SLC30A2: variants seen among roughly 807,000 people sequenced by gnomAD.
SLC30A2 encodes the protein proton-coupled zinc antiporter SLC30A2.
Under a neutral mutation model 39.6 loss-of-function variants are expected in SLC30A2, and 19 were observed. That is an observed-to-expected ratio of 0.48 (90% CI 0.34 to 0.70). The LOEUF (loss-of-function observed/expected upper bound fraction) is 0.70. Ranked by LOEUF, SLC30A2 falls within the 30% of genes least tolerant of loss-of-function variation. The pLI is 0.01. For synonymous variants in SLC30A2, 195 were observed against 194.8 expected, an observed-to-expected ratio of 1.00 and a Z score of -0.01; for missense variants, 387 against 479.4, an observed-to-expected ratio of 0.81 and a Z score of 1.80.
At chr1:26,041,884 GCTGGGGAGAGGTGCTCTCTC>G in intron 5 of SLC30A2, 79 bp from the exon 6 acceptor site, 1 of 854,716 alleles carries the variant, frequency 1.2e-6, no homozygotes, top group Non-Finnish European at 1.9e-6. Context: ...ACCCAGCACT[GCTGGGGAGAGGTGCTCTCTC>G]TGCTGGGTGG....
Position 26,046,076 on chromosome 1 carries a change from C to A in SLC30A2, c.-180G>T. On this transcript the variant is annotated 5_prime_UTR_variant, in exon 1 of 8. Transcript: ENST00000374276. This position sits in a 1 kb window ranked among gnomAD's most constrained non-coding sequence, Gnocchi z 4.4. ...CCCGGCTCCCGCTGCGGCTGCAGCT[C>A]CGGCTCTGGCTCCGCGTGCCAAGCG... 1 of 1,322,266 alleles carries A rather than the reference C, an allele frequency of 7.6e-7. No homozygotes were observed. The highest frequency in any genetic ancestry group is 9.6e-7 in the Non-Finnish European group (1 of 1,043,154). 81.9% of individuals were successfully genotyped at this position (1,322,266 alleles called of 1,614,324 possible).
chr1:26,040,066 T>C (rs2050380195), intron 6 of SLC30A2, among the ~76,000 whole-genome samples, 155 bp from the exon 7 acceptor site: 1 of 152,196 alleles, frequency 6.6e-6, no homozygotes, highest in South Asian at 2.1e-4. Context: ...CCAAGGTCTC[T>C]GCCCTATCAC....
At position 26,044,378 on chromosome 1, in the gene SLC30A2, C is replaced by G. The variant is rs530527200; in HGVS notation, c.338G>C (p.Ser113Thr). Reference sequence around the variant, plus strand: ...GAGGGAGAAGAGGCTGATGAGCATGCTGGCAAAGTCAGTGAGCAGGTGTGC... The same window carrying G: ...GAGGGAGAAGAGGCTGATGAGCATGGTGGCAAAGTCAGTGAGCAGGTGTGC... ...DAAHLLTDFA[S>T]MLISLFSLWM... The change falls in exon 3 of 8, where the codon AGC (serine) becomes ACC (threonine). Residue 113 changes from serine to threonine, a missense_variant. Ser to Thr is a moderately conservative substitution (Grantham distance 58). Transcript: ENST00000374276. 1 of 1,614,000 alleles carries G rather than the reference C, an allele frequency of 6.2e-7. No homozygotes were observed. Among genetic ancestry groups the G allele is most frequent in the Admixed American group, 1.7e-5 (1 of 60,004 alleles).
intron 4 of SLC30A2, among the ~76,000 whole-genome samples, chr1:26,043,120 C>T (rs1458388694): frequency 6.6e-6 from 1 of 152,230 alleles, no homozygotes; most frequent in Non-Finnish European, 1.5e-5. Flanking sequence ...CTCTTCCCGC[C>T]CCACTTCAGG....
Position 26,041,682 on chromosome 1 carries a change from C to G in SLC30A2, c.838+18G>C. 6.7e-7 allele frequency: 1 copy of G among 1,496,304 alleles called. No individual in the cohort carries two copies. The highest frequency in any genetic ancestry group is 9.3e-7 in the Non-Finnish European group (1 of 1,073,116). 92.7% of individuals were successfully genotyped at this position (1,496,304 alleles called of 1,614,324 possible). On this transcript the variant is annotated intron_variant, in intron 6 of 7. Transcript: ENST00000374276. ...TTGAGAGCCAAGAGCAAAAAGGGAG[C>G]CACAAAGCCCAGGTTACCTTCCATC...
rs1049954183 is a variant in SLC30A2, at chr1:26,038,528, G to T, written c.*632C>A. 8.5e-5 allele frequency: 13 copies of T among 152,230 alleles called. No individual in the cohort carries two copies. Among genetic ancestry groups the T allele is most frequent in the African/African-American group, 3.1e-4 (13 of 41,448 alleles). 9.4% of individuals were successfully genotyped at this position (152,230 alleles called of 1,614,324 possible). On this transcript the variant is annotated 3_prime_UTR_variant, in exon 8 of 8. Transcript: ENST00000374276. Reference sequence around the variant, plus strand: ...CCTGCCCACCACCTGTGCCAAAGTTGTTTTTTGTGTTGGCACAGCTGAGGA... The same window carrying T: ...CCTGCCCACCACCTGTGCCAAAGTTTTTTTTTGTGTTGGCACAGCTGAGGA...
intron 3 of SLC30A2, 60 bp downstream of exon 3, chr1:26,044,238 A>C (rs1028131745): frequency 2.5e-6 from 4 of 1,575,426 alleles, no homozygotes; most frequent in Non-Finnish European, 3.5e-6. Flanking sequence ...CCACCTAAGA[A>C]CCCCTGTTCT....
intron 1 of SLC30A2, chr1:26,045,502 T>C (rs2050451313): frequency 1.7e-6 from 1 of 589,628 alleles, no homozygotes; most frequent in Admixed American, 3.0e-5. Flanking sequence ...GAGCGCAGGC[T>C]CTGGGAGAAC....
In SLC30A2 at chr1:26,045,031, G is replaced by A. The variant is rs908681480; in HGVS notation, c.237C>T (p.Ala79=). 6.2e-7 allele frequency: 1 copy of A among 1,614,234 alleles called. No individual in the cohort carries two copies. Among genetic ancestry groups the A allele is most frequent in the Non-Finnish European group, 8.5e-7 (1 of 1,180,040 alleles). Reference sequence around the variant, plus strand: ...CTCCGATCATGAACAACAGGCAGATGGCAGAGGCTACATACAGCTGGCGCT... The same window carrying A: ...CTCCGATCATGAACAACAGGCAGATAGCAGAGGCTACATACAGCTGGCGCT... ...KAQRQLYVAS[A]ICLLFMIGEV... is the part of the protein sequence containing the mutation. Residue 79 remains alanine, a synonymous_variant, in exon 2 of 8, where the codon GCC becomes GCT. Transcript: ENST00000374276.
intron 3 of SLC30A2, 92 bp from the exon 4 acceptor site, chr1:26,043,643 C>A: frequency 7.3e-7 from 1 of 1,366,284 alleles, no homozygotes; most frequent in Non-Finnish European, 1.0e-6. Context: ...CCACCCACCT[C>A]CCACACAAAG....
chr1:26,042,722 G>T lies in SLC30A2; in HGVS notation c.573-14C>A. 1 of 1,612,514 alleles carries T rather than the reference G, an allele frequency of 6.2e-7. No homozygotes were observed. Among genetic ancestry groups the T allele is most frequent in the African/African-American group, 1.3e-5 (1 of 75,002 alleles). On this transcript the variant is annotated splice_polypyrimidine_tract_variant and intron_variant, in intron 4 of 7. Transcript: ENST00000374276. ...GTCAACCCCATTCTATGGAAGTGGA[G>T]ACAAAGCCAAGGGCTCACTGAGGTC...
chr1:26,043,209 AGT>A (rs1460924115), intron 4 of SLC30A2, among the ~76,000 whole-genome samples, 187 bp downstream of exon 4: 1 of 152,166 alleles, frequency 6.6e-6, no homozygotes, highest in African/African-American at 2.4e-5. Flanking sequence ...TACAGCTCCC[AGT>A]GTTCTTGGCC....
chr1:26,044,940 G>T, intron 2 of SLC30A2, 57 bp downstream of exon 2: 1 of 1,412,996 alleles, frequency 7.1e-7, no homozygotes, highest in South Asian at 1.2e-5. Context: ...CAGTATTGCT[G>T]GGAACATCCA....
intron 1 of SLC30A2, 134 bp downstream of exon 1, chr1:26,045,713 C>G: frequency 7.0e-7 from 1 of 1,436,356 alleles, no homozygotes; most frequent in Non-Finnish European, 9.5e-7. Context: ...ATCTTCGTTC[C>G]CTCACCTCAC....
intron 1 of SLC30A2, chr1:26,045,458 GGCGTGCTGTCCAGTGGAGC>G: frequency 1.7e-6 from 1 of 598,920 alleles, no homozygotes; most frequent in Non-Finnish European, 3.0e-6. Flanking sequence ...CCGGCCAAGG[GGCGTGCTGTCCAGTGGAGC>G]GCGGGGAAGG....
chr1:26,045,305 G>A, intron 1 of SLC30A2, 88 bp from the exon 2 acceptor site: 1 of 1,064,804 alleles, frequency 9.4e-7, no homozygotes, highest in Non-Finnish European at 1.4e-6. Flanking sequence ...GAGGCCTTGT[G>A]TCCACTGGGA....
rs951555648 is a variant in SLC30A2 at position 26,037,694 on chromosome 1, C to G, written c.*1466G>C. On this transcript the variant is annotated 3_prime_UTR_variant, in exon 8 of 8. Coordinates refer to ENST00000374276, the MANE Select transcript of SLC30A2 (RefSeq NM_001004434.3). ...AATGGAGCACCCACCAGCAACCCCCCACCCCTCTCCAGGCCAGTGCTTTCC... is the reference window on the plus strand; with the variant it reads ...AATGGAGCACCCACCAGCAACCCCCGACCCCTCTCCAGGCCAGTGCTTTCC... 5.9e-5 allele frequency: 9 copies of G among 152,276 alleles called. No individual in the cohort carries two copies. The highest frequency in any genetic ancestry group is 2.2e-4 in the African/African-American group (9 of 41,450). The allele number at this position is 152,276 out of a possible 1,614,324, so 9.4% of individuals were successfully genotyped here. A position where few individuals can be genotyped will look rare whatever the true frequency, so the allele number is the denominator to read the frequency against.
intron 2 of SLC30A2, 90 bp from the exon 3 acceptor site, chr1:26,044,534 G>A: frequency 2.4e-6 from 3 of 1,270,888 alleles, no homozygotes; most frequent in South Asian, 1.4e-5. Flanking sequence ...TCTGGAAGAG[G>A]ACATTCTGGG....
intron 2 of SLC30A2, among the ~76,000 whole-genome samples, chr1:26,044,751 G>C (rs550389699): frequency 2.0e-5 from 3 of 152,232 alleles, no homozygotes; most frequent in Non-Finnish European, 1.5e-5. Flanking sequence ...CCTTAGCTAC[G>C]AGTTGTGCGT....
Sources: allele counts gnomAD v4.1 joint callset (sites outside exome capture counted in the v4.1 genomes callset), GRCh38; gene constraint gnomAD v4.1.1; non-coding constraint Gnocchi (gnomAD v3.1); transcripts MANE v1.5; gene names NCBI Gene and HGNC (gene_info 2026-07-23, HGNC 2026-07-21).